Variants in LMO7 observed in about 807,000 individuals in gnomAD.
LMO7 encodes LIM domain only protein 7.
LMO7 carries 120 observed loss-of-function variants against 206.5 expected under a neutral mutation model. The observed-to-expected ratio is 0.58, with a 90% CI of 0.50 to 0.68. The LOEUF is 0.68. LMO7 is among the 30% of genes least tolerant of loss of function. LMO7 has a pLI of 0.00. For synonymous variants in LMO7, 706 were observed against 681.5 expected, an observed-to-expected ratio of 1.04 and a Z score of -0.56; for missense variants, 1,959 against 1,957.9, an observed-to-expected ratio of 1.00 and a Z score of -0.01.
At chr13:75,803,259 T>C (rs531318740) in intron 7 of LMO7, among the ~76,000 whole-genome samples, 12 of 152,340 alleles carry the variant, frequency 7.9e-5, no homozygotes, top group Admixed American at 1.3e-4. Context: ...CTCAGTGTTA[T>C]TTACTGTAGC....
chr13:75,735,398 A>G (rs1365255793), intron 3 of LMO7, among the ~76,000 whole-genome samples: 1 of 152,104 alleles, frequency 6.6e-6, no homozygotes, highest in African/African-American at 2.4e-5. Flanking sequence ...TCTACTAGTA[A>G]TACAGTGAGT....
rs377634060 is a variant in LMO7, at chr13:75,675,263, G to A, written c.70-37919G>A. On this transcript the variant is annotated intron_variant, in intron 1 of 30. Transcript: ENST00000377534. ...TAATTTTTGTATTTTTAGTAGAGAC[G>A]GGGTTTCACCATGTTGGCCAGGCTG... Among the ~76,000 whole-genome samples, 39 of 151,824 alleles carry A rather than the reference G, an allele frequency of 2.6e-4. 1 individual carries two copies. The South Asian group carries it at 5.0e-3, about 20-fold the overall frequency.
intron 1 of LMO7, among the ~76,000 whole-genome samples, chr13:75,645,912 A>T (rs979076785): frequency 2.6e-5 from 4 of 152,182 alleles, no homozygotes; most frequent in Non-Finnish European, 5.9e-5. Context: ...AGCAGATGTT[A>T]TCAAGTTCAT....
Position 75,808,196 on chromosome 13 carries a change from AGAG to A in LMO7, c.1915_1916+1del. 1 of 1,610,068 alleles carries A rather than the reference AGAG, an allele frequency of 6.2e-7. No individual in the cohort carries two copies. Among genetic ancestry groups the A allele is most frequent in the Non-Finnish European group, 8.5e-7 (1 of 1,177,594 alleles). ...AGGCACAAGAAAAGGCTGATGGTGG[AGAG>A]GTCAGAGTGTGTTTCTGCAAGGATT... is the stretch of plus-strand genomic sequence containing the variant. On this transcript the variant is annotated inframe_deletion and splice_region_variant, in exon 10 of 31. Transcript: ENST00000377534.
Position 75,808,147 on chromosome 13 carries a change from G to A in LMO7, c.1864G>A (p.Ala622Thr), listed in dbSNP as rs1210172398. The A allele has an allele frequency of 6.2e-6, 10 of 1,613,714 alleles. No individual in the cohort carries two copies. Among genetic ancestry groups the A allele is most frequent in the African/African-American group, 1.3e-5 (1 of 74,914 alleles). The stretch of plus-strand genomic sequence containing the variant: ...TGAGGCTGACTTGAAGAGATGGGAG[G>A]CCATCCGGGAGGCCAGCAGACTTAG... Reference protein sequence around the residue: ...CSEADLKRWEAIREASRLRHK... With the variant: ...CSEADLKRWETIREASRLRHK... The change falls in exon 10 of 31, where the codon GCC (alanine) becomes ACC (threonine). Residue 622 changes from alanine to threonine, a missense_variant. Physicochemically the swap from Ala to Thr is moderately conservative, Grantham distance 58 (BLOSUM62 0). Coordinates refer to ENST00000377534, the MANE Select transcript of LMO7 (RefSeq NM_001306080.2).
chr13:75,831,978 C>G (rs1016716566), intron 15 of LMO7, among the ~76,000 whole-genome samples: 4 of 152,096 alleles, frequency 2.6e-5, no homozygotes, highest in African/African-American at 9.7e-5. Flanking sequence ...TTATGAAGTG[C>G]CCAATTAGTT....
chr13:75,817,387 G>A, intron 12 of LMO7, 109 bp downstream of exon 12: 1 of 650,352 alleles, frequency 1.5e-6, no homozygotes, highest in Non-Finnish European at 2.6e-6. Context: ...ACAGAATTCA[G>A]TTCTGTATAA....
intron 1 of LMO7, among the ~76,000 whole-genome samples, chr13:75,708,030 A>G (rs780167092): frequency 3.9e-5 from 6 of 152,152 alleles, no homozygotes; most frequent in African/African-American, 9.7e-5. Flanking sequence ...CCATGTCTAT[A>G]TGATGCGGAG....
intron 2 of LMO7, among the ~76,000 whole-genome samples, chr13:75,629,575 C>T (rs2034645224): frequency 6.6e-6 from 1 of 152,074 alleles, no homozygotes. Flanking sequence ...AAGCACAGGT[C>T]AAGTCGTGGT....
chr13:75,848,812 T>C (rs904926229), intron 26 of LMO7, among the ~76,000 whole-genome samples: 1 of 152,224 alleles, frequency 6.6e-6, no homozygotes, highest in Non-Finnish European at 1.5e-5. Flanking sequence ...GACCTACTTA[T>C]AGTTCTTTCA....
At chr13:75,744,178 A>T (rs554917182) in intron 3 of LMO7, among the ~76,000 whole-genome samples, 60 of 152,294 alleles carry the variant, frequency 3.9e-4, no homozygotes, top group Non-Finnish European at 6.2e-4. Context: ...TTCCATTCCC[A>T]ATTAAAGGTC....
rs538489647 is a variant in LMO7, at chr13:75,686,548, C to T, written c.70-26634C>T. Reference sequence around the variant, plus strand: ...TACCTTTTTTTTTTTTTTTTTTAAACTCTCTGTAAGGGATAAAATATATTG... The same window carrying T: ...TACCTTTTTTTTTTTTTTTTTTAAATTCTCTGTAAGGGATAAAATATATTG... On this transcript the variant is annotated intron_variant, in intron 1 of 30. Transcript: ENST00000377534. Among the ~76,000 whole-genome samples the T allele has an allele frequency of 6.4e-4, 70 of 109,532 alleles. 2 individuals are homozygous for T. The South Asian group carries it at 0.018, about 29-fold the overall frequency. 71.9% of individuals were successfully genotyped at this position (109,532 alleles called of 152,430 possible).
At chr13:75,856,336 G>A (rs2060944184) in intron 29 of LMO7, among the ~76,000 whole-genome samples, 170 bp from the exon 30 acceptor site, 1 of 151,962 alleles carries the variant, frequency 6.6e-6, no homozygotes, top group African/African-American at 2.4e-5. Context: ...ATCTTATCTG[G>A]CGGTCTTGAT....
Position 75,823,861 on chromosome 13 carries a change from C to T in LMO7, c.2937C>T (p.Val979=). 6.2e-7 allele frequency: 1 copy of T among 1,613,522 alleles called. No homozygotes were observed. The highest frequency in any genetic ancestry group is 8.5e-7 in the Non-Finnish European group (1 of 1,179,570). ...GGGAAATCTCCCCACAAAGAGAAGT[C>T]TCAAGATCCCAGGTGAGTTTGGAAA... ...GEGEISPQRE[V]SRSQDQFSDM... The change falls in exon 15 of 31, where the codon GTC becomes GTT. Residue 979 remains valine (V), a synonymous_variant. Coordinates refer to ENST00000377534, the MANE Select transcript of LMO7 (RefSeq NM_001306080.2).
intron 1 of LMO7, among the ~76,000 whole-genome samples, chr13:75,706,240 C>T (rs781772229): frequency 6.6e-6 from 1 of 152,180 alleles, no homozygotes; most frequent in South Asian, 2.1e-4. Context: ...CCTCAACAGG[C>T]CACCATTGAC....
In LMO7 at chr13:75,856,492, T is replaced by A. The variant is rs758878145; in HGVS notation, c.4771-14T>A. 1.3e-6 allele frequency: 2 copies of A among 1,551,208 alleles called. No homozygotes were observed. Among genetic ancestry groups the A allele is most frequent in the Admixed American group, 1.7e-5 (1 of 59,850 alleles). On this transcript the variant is annotated splice_polypyrimidine_tract_variant and intron_variant, in intron 29 of 30. Coordinates refer to ENST00000377534, the MANE Select transcript of LMO7 (RefSeq NM_001306080.2). ...CTGACTGATTGTAGATGTTCTTTTT[T>A]TTTTGTTCCCCAGTGTGTTGCCTGT...
intron 1 of LMO7, among the ~76,000 whole-genome samples, chr13:75,685,945 TG>T (rs2040944827): frequency 1.4e-5 from 2 of 144,068 alleles, no homozygotes; most frequent in African/African-American, 5.1e-5. Context: ...ACCCAGGCAG[TG>T]GCCCAATCAT....
chr13:75,683,012 T>C (rs2031315733), intron 1 of LMO7, among the ~76,000 whole-genome samples: 1 of 152,192 alleles, frequency 6.6e-6, no homozygotes, highest in Non-Finnish European at 1.5e-5. Flanking sequence ...TACAAGTCTT[T>C]TATCAGATAT....
At position 75,689,388 on chromosome 13, in the gene LMO7, T is replaced by C. The variant is rs149433541; in HGVS notation, c.70-23794T>C. Among the ~76,000 whole-genome samples the C allele has an allele frequency of 1.6e-3, 249 of 152,318 alleles. 1 individual carries two copies. The highest frequency in any genetic ancestry group is 5.7e-3 in the African/African-American group (239 of 41,572). ...GGATTTCCAGGAACTATAGCTATTT[T>C]CCAAGATACAGCATTTCATGAACAT... On this transcript the variant is annotated intron_variant, in intron 1 of 30. Coordinates refer to ENST00000377534, the MANE Select transcript of LMO7 (RefSeq NM_001306080.2).
Sources: allele counts gnomAD v4.1 joint callset (sites outside exome capture counted in the v4.1 genomes callset), GRCh38; gene constraint gnomAD v4.1.1; transcripts MANE v1.5; gene names NCBI Gene and HGNC (gene_info 2026-07-23, HGNC 2026-07-21).